The following C12orf42 variants were observed in gnomAD, a reference collection of about 807,000 sequenced individuals.
C12orf42 encodes uncharacterized protein C12orf42.
C12orf42 carries 25 observed loss-of-function variants against 21.6 expected under a neutral mutation model. That is an observed-to-expected ratio of 1.16 (90% confidence interval 0.84 to 1.62). The LOEUF is 1.62. C12orf42 is among the 40% of genes most tolerant of loss of function. The pLI, the probability that C12orf42 is intolerant of heterozygous loss-of-function variation, is 0.00. For missense variants in C12orf42, 483 were observed against 459.3 expected (o/e 1.05, Z -0.47); for synonymous variants, 174 against 175.0 (o/e 0.99, Z 0.05).
At chr12:103,445,101 TC>T (rs1951497142) in intron 2 of C12orf42, among the ~76,000 whole-genome samples, 2 of 152,010 alleles carry the variant, frequency 1.3e-5, no homozygotes, top group Admixed American at 1.3e-4. Context: ...TCTGTACTCA[TC>T]CCCCATACCG....
chr12:103,196,998 G>T, the C12orf42 span, among the ~76,000 whole-genome samples: 1 of 152,126 alleles, frequency 6.6e-6, no homozygotes, highest in Non-Finnish European at 1.5e-5. Context: ...TTGTATAGTT[G>T]ATGTATAGTG....
chr12:103,049,095 A>G, the C12orf42 span, among the ~76,000 whole-genome samples: 1 of 152,198 alleles, frequency 6.6e-6, no homozygotes, highest in Non-Finnish European at 1.5e-5. Context: ...ATAAATCCAA[A>G]ACATATATCT....
In C12orf42 at chr12:103,303,330, T is replaced by C. The variant is rs183618625; in HGVS notation, c.632-771A>G. On this transcript the variant is annotated intron_variant, in intron 5 of 5. Coordinates refer to ENST00000548883, the MANE Select transcript of C12orf42 (RefSeq NM_198521.5). ...TCCATATTATATAATATATTGCATA[T>C]ATAAACTTCAAGATTTATATAAATA... Among the ~76,000 whole-genome samples the C allele has an allele frequency of 2.7e-3, 414 of 151,982 alleles. 1 individual carries two copies. Among genetic ancestry groups the C allele is most frequent in the African/African-American group, 9.6e-3 (399 of 41,516 alleles).
At chr12:103,454,341 G>T (rs939166537) in intron 2 of C12orf42, among the ~76,000 whole-genome samples, 3 of 151,936 alleles carry the variant, frequency 2.0e-5, no homozygotes, top group Non-Finnish European at 4.4e-5. Context: ...TTAGAACAGG[G>T]AATACTAATC....
At chr12:103,490,846 T>C (rs1955140765) in intron 1 of C12orf42, among the ~76,000 whole-genome samples, 1 of 152,030 alleles carries the variant, frequency 6.6e-6, no homozygotes, top group African/African-American at 2.4e-5. Flanking sequence ...ATTATTCTTG[T>C]TTATTATATT....
chr12:103,168,215 A>G, the C12orf42 span: 1 of 385,268 alleles, frequency 2.6e-6, no homozygotes, highest in African/African-American at 2.1e-5. Context: ...CCAACCATAC[A>G]TGAATTTATA....
At chr12:103,530,116 A>C in the C12orf42 span, among the ~76,000 whole-genome samples, 3 of 152,230 alleles carry the variant, frequency 2.0e-5, no homozygotes, top group Admixed American at 6.5e-5. Context: ...TGCTGAAAAT[A>C]ATAAGGCCCA....
At chr12:103,252,837 G>T (rs531772291) in intron 10 of C12orf42, among the ~76,000 whole-genome samples, 1 of 152,054 alleles carries the variant, frequency 6.6e-6, no homozygotes. Context: ...GTTGGCTTTT[G>T]TTGCCATTGC....
chr12:103,300,674 C>A (rs1593329732), downstream of C12orf42, among the ~76,000 whole-genome samples: 1 of 152,118 alleles, frequency 6.6e-6, no homozygotes, highest in Non-Finnish European at 1.5e-5. Flanking sequence ...GTTGTGTTAA[C>A]TCATAATTAA....
the C12orf42 span, among the ~76,000 whole-genome samples, chr12:103,551,579 G>A: frequency 6.6e-6 from 1 of 152,140 alleles, no homozygotes; most frequent in Non-Finnish European, 1.5e-5. Context: ...CACTTTGGGA[G>A]GCCAAGGCAG....
the C12orf42 span, chr12:103,549,481 T>A: frequency 2.0e-5 from 3 of 152,210 alleles, no homozygotes; most frequent in Non-Finnish European, 4.4e-5. Context: ...ATCGTTTTCA[T>A]GTCTCTGTCA....
chr12:103,121,165 T>C, the C12orf42 span, among the ~76,000 whole-genome samples: 1 of 152,240 alleles, frequency 6.6e-6, no homozygotes, highest in Admixed American at 6.5e-5. Context: ...ATAATGATAA[T>C]GGACGATGTT....
At chr12:103,079,530 T>G in the C12orf42 span, among the ~76,000 whole-genome samples, 1 of 152,188 alleles carries the variant, frequency 6.6e-6, no homozygotes, top group East Asian at 1.9e-4. Context: ...ACAGACAAAA[T>G]GTGCTGTGGT....
At chr12:103,091,243 G>A in the C12orf42 span, among the ~76,000 whole-genome samples, 4 of 152,122 alleles carry the variant, frequency 2.6e-5, no homozygotes, top group African/African-American at 9.7e-5. Flanking sequence ...TATTAAAATG[G>A]TAATGATTAT....
chr12:103,408,289 C>T (rs925181724), intron 2 of C12orf42, among the ~76,000 whole-genome samples: 7 of 152,104 alleles, frequency 4.6e-5, no homozygotes, highest in South Asian at 2.1e-4. Flanking sequence ...ACACAAGAGA[C>T]GGAGCAGCAG....
At chr12:103,321,140 T>G (rs1213757771) in intron 4 of C12orf42, among the ~76,000 whole-genome samples, 1 of 151,986 alleles carries the variant, frequency 6.6e-6, no homozygotes, top group Non-Finnish European at 1.5e-5. Context: ...ATATCCAGAA[T>G]CTACAAAGAA....
At chr12:103,363,612 CAT>C (rs1168879694) in intron 4 of C12orf42, among the ~76,000 whole-genome samples, 1 of 152,066 alleles carries the variant, frequency 6.6e-6, no homozygotes, top group Non-Finnish European at 1.5e-5. Flanking sequence ...TCCCCTGACA[CAT>C]AGGACTCACA....
upstream of C12orf42, among the ~76,000 whole-genome samples, chr12:103,496,629 C>A (rs573290869): frequency 5.9e-5 from 9 of 152,198 alleles, no homozygotes; most frequent in African/African-American, 1.9e-4. Flanking sequence ...TGCACAGAAC[C>A]AAAGAGTTGT....
chr12:103,311,265 T>C (rs978399322), intron 4 of C12orf42, among the ~76,000 whole-genome samples: 1 of 151,990 alleles, frequency 6.6e-6, no homozygotes, highest in Non-Finnish European at 1.5e-5. Flanking sequence ...AGGTATGATG[T>C]TGGGACAGGT....
Sources: allele counts gnomAD v4.1 joint callset (sites outside exome capture counted in the v4.1 genomes callset), GRCh38; gene constraint gnomAD v4.1.1; transcripts MANE v1.5; gene names NCBI Gene and HGNC (gene_info 2026-07-23, HGNC 2026-07-21).